The following ZNF718 variants were observed in gnomAD, a reference collection of about 807,000 sequenced individuals.
The protein encoded by ZNF718 is zinc finger protein 718.
A neutral mutation model predicts 2.6 loss-of-function variants in ZNF718; 3 were observed. That is an observed-to-expected ratio of 1.16 (90% CI 0.53 to 3.01). ZNF718 has a LOEUF of 3.01. Ranked by LOEUF, ZNF718 falls within the 30% of genes most tolerant of loss-of-function variation. The pLI is 0.03. For synonymous variants in ZNF718, 135 were observed against 77.9 expected, an observed-to-expected ratio of 1.73 and a Z score of -3.86; for missense variants, 468 against 230.0, an observed-to-expected ratio of 2.03 and a Z score of -6.69.
At chr4:155,398 A>T (rs1218522050) in intron 3 of ZNF718, among the ~76,000 whole-genome samples, 2 of 152,138 alleles carry the variant, frequency 1.3e-5, no homozygotes, top group Admixed American at 6.5e-5. Flanking sequence ...CAGCCAGGAG[A>T]CTGACTGTAC....
chr4:137,848 C>CA (rs1715641020), intron 3 of ZNF718, among the ~76,000 whole-genome samples: 1 of 151,838 alleles, frequency 6.6e-6, no homozygotes, highest in Admixed American at 6.6e-5. Context: ...AAATTTGTTA[C>CA]TCATGTAGTT....
At chr4:191,183 A>G (rs1553821153) in intron 3 of ZNF718, among the ~76,000 whole-genome samples, 2 of 123,706 alleles carry the variant, frequency 1.6e-5, no homozygotes, top group Non-Finnish European at 3.2e-5. Context: ...GTCTCACTCT[A>G]GTCACCCCAG....
At chr4:145,916 T>C (rs1024902337) in intron 3 of ZNF718, among the ~76,000 whole-genome samples, 5 of 152,118 alleles carry the variant, frequency 3.3e-5, no homozygotes, top group Non-Finnish European at 7.4e-5. Context: ...AATTAAACAA[T>C]TTTACTTCCT....
At chr4:184,015 A>G (rs1423021514) in intron 3 of ZNF718, among the ~76,000 whole-genome samples, 1 of 152,028 alleles carries the variant, frequency 6.6e-6, no homozygotes, top group Non-Finnish European at 1.5e-5. Context: ...CTCTTGCCTG[A>G]TTGCCGTGGC....
intron 3 of ZNF718, among the ~76,000 whole-genome samples, chr4:178,984 T>G (rs1490162392): frequency 1.3e-5 from 2 of 152,196 alleles, no homozygotes; most frequent in African/African-American, 4.8e-5. Flanking sequence ...GTTATTATGC[T>G]CCTCCCTATT....
intron 3 of ZNF718, among the ~76,000 whole-genome samples, chr4:171,800 G>T (rs1349994924): frequency 1.1e-4 from 16 of 152,198 alleles, no homozygotes; most frequent in African/African-American, 3.9e-4. Flanking sequence ...CCCGGGTGAG[G>T]CAATGCCTCG....
At chr4:175,949 C>T (rs1363064114) in intron 3 of ZNF718, among the ~76,000 whole-genome samples, 1 of 151,260 alleles carries the variant, frequency 6.6e-6, no homozygotes, top group Non-Finnish European at 1.5e-5. Context: ...CTCCGCCTCC[C>T]AGGTTCATGC....
chr4:146,077 C>CTATATATATA lies in ZNF718; in HGVS notation c.226+14586_226+14595dup, dbSNP rs5742061. On this transcript the variant is annotated intron_variant, in intron 3 of 3. Coordinates refer to ENST00000510175, the MANE Select transcript of ZNF718 (RefSeq NM_001039127.6). ...GCACCATAATTAGTGATATAGCCTT[C>CTATATATATA]TATATATATATATATATATATATGT... Among the ~76,000 whole-genome samples, 600 of 143,030 alleles carry CTATATATATA rather than the reference C, an allele frequency of 4.2e-3. 4 individuals carry two copies. The highest frequency in any genetic ancestry group is 0.012 in the African/African-American group (469 of 39,086). 93.8% of individuals were successfully genotyped at this position (143,030 alleles called of 152,430 possible). A position where few individuals can be genotyped will look rare whatever the true frequency, so the allele number is the denominator to read the frequency against.
intron 3 of ZNF718, among the ~76,000 whole-genome samples, chr4:143,459 TA>T (rs1715902888): frequency 6.6e-6 from 1 of 152,210 alleles, no homozygotes; most frequent in African/African-American, 2.4e-5. Flanking sequence ...GTGCTAGGAT[TA>T]CAGGCGTGAG....
At chr4:181,187 G>A (rs1442632320) in intron 3 of ZNF718, among the ~76,000 whole-genome samples, 14 of 36,100 alleles carry the variant, frequency 3.9e-4, no homozygotes, top group African/African-American at 1.2e-3. Flanking sequence ...TTTTTTTTTC[G>A]TAGACATGAA....
chr4:176,591 A>G (rs919901794), intron 3 of ZNF718, among the ~76,000 whole-genome samples: 44 of 152,082 alleles, frequency 2.9e-4, no homozygotes, highest in African/African-American at 9.4e-4. Flanking sequence ...TCTACTTATC[A>G]CCCCCAATAT....
At chr4:202,143 A>C (rs1717913848) in exon 5 of ZNF718, 1 of 152,176 alleles carries the variant, frequency 6.6e-6, no homozygotes, top group Non-Finnish European at 1.5e-5. Context: ...AATAAGTCTC[A>C]ATAGTTCTGA....
At chr4:191,594 G>C (rs1218186668) in intron 3 of ZNF718, among the ~76,000 whole-genome samples, 1 of 152,062 alleles carries the variant, frequency 6.6e-6, no homozygotes, top group Non-Finnish European at 1.5e-5. Flanking sequence ...AAGGATGGAA[G>C]TAAAATGTCC....
Position 124,666 on chromosome 4 carries a change from G to A in ZNF718, c.-5G>A, listed in dbSNP as rs1280006477. On this transcript the variant is annotated 5_prime_UTR_variant, in exon 1 of 4. Transcript: ENST00000510175. ...AAGACTCTGGGACACTCCTGAAGTC[G>A]GGAAATGGTGAGTGTGCAGGGCAGG... 6.2e-7 allele frequency: 1 copy of A among 1,609,078 alleles called. No individual in the cohort carries two copies. The highest frequency in any genetic ancestry group is 8.5e-7 in the Non-Finnish European group (1 of 1,179,680).
At chr4:166,915 A>C (rs1717101393), downstream of ZNF718, among the ~76,000 whole-genome samples, 1 of 152,162 alleles carries the variant, frequency 6.6e-6, no homozygotes, top group Non-Finnish European at 1.5e-5. Flanking sequence ...TTTAGACATG[A>C]AGTGCTTGCC....
intron 3 of ZNF718, among the ~76,000 whole-genome samples, chr4:135,818 C>G (rs1240310520): frequency 1.6e-5 from 2 of 125,830 alleles, no homozygotes; most frequent in Non-Finnish European, 3.4e-5. Context: ...TTTCCTTTTC[C>G]TTGCCTAATT....
At chr4:141,681 A>G (rs1291818118) in intron 3 of ZNF718, among the ~76,000 whole-genome samples, 1 of 152,200 alleles carries the variant, frequency 6.6e-6, no homozygotes, top group Non-Finnish European at 1.5e-5. Flanking sequence ...CCAAAACTGT[A>G]TGAGATTTCT....
chr4:141,596 T>C (rs561603759), intron 3 of ZNF718, among the ~76,000 whole-genome samples: 1 of 152,310 alleles, frequency 6.6e-6, no homozygotes, highest in African/African-American at 2.4e-5. Flanking sequence ...TTGACATGTT[T>C]GGGTACATGT....
At chr4:136,675 T>TACCTAAGTGGAATCATA (rs1553809381) in intron 3 of ZNF718, among the ~76,000 whole-genome samples, 1 of 152,258 alleles carries the variant, frequency 6.6e-6, no homozygotes, top group East Asian at 1.9e-4. Flanking sequence ...TAAGATATCT[T>TACCTAAGTGGAATCATA]ACCTAAGTGG....
Sources: allele counts gnomAD v4.1 joint callset (sites outside exome capture counted in the v4.1 genomes callset), GRCh38; gene constraint gnomAD v4.1.1; transcripts MANE v1.5; gene names NCBI Gene and HGNC (gene_info 2026-07-23, HGNC 2026-07-21).